The following ERC1 variants were observed in gnomAD, a reference collection of about 807,000 sequenced individuals.
ERC1 encodes RAB6 interacting protein 2.
In ERC1, 56 loss-of-function variants were observed where a neutral mutation model predicts 132.0. The observed-to-expected ratio is 0.42, with a 90% CI of 0.34 to 0.53. The LOEUF (loss-of-function observed/expected upper bound fraction) is 0.53. Ranked by LOEUF, ERC1 falls within the 20% of genes least tolerant of loss-of-function variation. ERC1 has a pLI of 0.03. For missense variants in ERC1, 1,202 were observed against 1,349.9 expected, an observed-to-expected ratio of 0.89 and a Z score of 1.72; for synonymous variants, 478 against 476.1, an observed-to-expected ratio of 1.00 and a Z score of -0.05.
intron 2 of ERC1, among the ~76,000 whole-genome samples, chr12:1,042,634 G>A (rs1307825643): frequency 5.9e-5 from 9 of 151,860 alleles, no homozygotes; most frequent in South Asian, 2.1e-4. Flanking sequence ...CACCGCACTC[G>A]GCCTAGTATT....
intron 8 of ERC1, among the ~76,000 whole-genome samples, chr12:1,144,050 A>G (rs531126583): frequency 6.6e-6 from 1 of 152,152 alleles, no homozygotes; most frequent in South Asian, 2.1e-4. Context: ...TTCAGTTTTA[A>G]TGTATGTGCC....
At chr12:1,294,442 T>C (rs2079754395) in intron 15 of ERC1, among the ~76,000 whole-genome samples, 1 of 152,278 alleles carries the variant, frequency 6.6e-6, no homozygotes, top group South Asian at 2.1e-4. Context: ...AGATAAAGGC[T>C]CCGAAAGTCC....
At chr12:1,461,389 C>A (rs1202619709) in intron 18 of ERC1, among the ~76,000 whole-genome samples, 2 of 152,124 alleles carry the variant, frequency 1.3e-5, no homozygotes, top group African/African-American at 4.8e-5. Flanking sequence ...AACTTTGAGC[C>A]GGGCACAGTG....
rs150875431 is a variant in ERC1 at position 1,027,448 on chromosome 12, G to A, written c.-156-300G>A. 636 of 159,254 alleles carry A rather than the reference G, an allele frequency of 4.0e-3. 3 individuals carry two copies. The highest frequency in any genetic ancestry group is 9.6e-3 in the Admixed American group (154 of 15,992). The allele number at this position is 159,254 out of a possible 1,614,324, so 9.9% of individuals were successfully genotyped here. A position where few individuals can be genotyped will look rare whatever the true frequency, so the allele number is the denominator to read the frequency against. On this transcript the variant is annotated intron_variant, in intron 1 of 18. Coordinates refer to ENST00000360905, the MANE Select transcript of ERC1 (RefSeq NM_178040.4). ...GTTGGTCTTGAACTCCTGGCCTCAA[G>A]CGATCTTCCTACCTTGGCCTCCCAG...
At chr12:1,058,070 A>G (rs749518930) in intron 2 of ERC1, among the ~76,000 whole-genome samples, 1 of 151,462 alleles carries the variant, frequency 6.6e-6, no homozygotes, top group East Asian at 1.9e-4. Context: ...AATTCATTTT[A>G]TATTCTGGAT....
chr12:1,175,839 T>C (rs781054519), intron 8 of ERC1, among the ~76,000 whole-genome samples: 3 of 152,170 alleles, frequency 2.0e-5, no homozygotes, highest in Non-Finnish European at 4.4e-5. Flanking sequence ...CTGGCCCATC[T>C]GTTCAGATTT....
intron 2 of ERC1, among the ~76,000 whole-genome samples, chr12:1,058,247 G>A (rs747517213): frequency 6.6e-6 from 1 of 152,024 alleles, no homozygotes; most frequent in Non-Finnish European, 1.5e-5. Context: ...ACCTTACCAA[G>A]AAAGTCTTTT....
At chr12:1,350,032 G>A (rs575238150) in intron 15 of ERC1, among the ~76,000 whole-genome samples, 3 of 152,172 alleles carry the variant, frequency 2.0e-5, no homozygotes, top group Non-Finnish European at 4.4e-5. Flanking sequence ...TCTTCTTTTG[G>A]CACCAAAAGG....
At chr12:1,012,471 CTTTT>C (rs58882619) in intron 1 of ERC1, among the ~76,000 whole-genome samples, 4 of 85,446 alleles carry the variant, frequency 4.7e-5, no homozygotes, top group African/African-American at 4.4e-5. Flanking sequence ...GATATTTAAT[CTTTT>C]TTTTTTTTTT....
At chr12:1,051,164 T>G (rs1215945044) in intron 2 of ERC1, among the ~76,000 whole-genome samples, 2 of 152,194 alleles carry the variant, frequency 1.3e-5, no homozygotes, top group Non-Finnish European at 2.9e-5. Flanking sequence ...CAGCTACTGT[T>G]GCACACTTGG....
chr12:1,238,632 A>G (rs1477587508), intron 13 of ERC1, among the ~76,000 whole-genome samples: 1 of 152,108 alleles, frequency 6.6e-6, no homozygotes, highest in Admixed American at 6.5e-5. Context: ...TTAATTCTAG[A>G]AAGTATTTAT....
chr12:1,399,688 A>C (rs908597267), intron 16 of ERC1, among the ~76,000 whole-genome samples: 16 of 152,198 alleles, frequency 1.1e-4, no homozygotes, highest in African/African-American at 3.9e-4. Context: ...TCATGTTTTC[A>C]AGGTTCATTG....
intron 2 of ERC1, among the ~76,000 whole-genome samples, chr12:1,081,120 A>G (rs1379831352): frequency 6.6e-6 from 1 of 152,180 alleles, no homozygotes; most frequent in Non-Finnish European, 1.5e-5. Flanking sequence ...TACACTGCTT[A>G]GGCCTTGAAT....
intron 5 of ERC1, 109 bp from the exon 6 acceptor site, chr12:1,112,106 T>G: frequency 1.4e-6 from 1 of 704,674 alleles, no homozygotes; most frequent in Non-Finnish European, 2.5e-6. Context: ...CAGATTTGAT[T>G]GTATTATATA....
At chr12:1,054,110 T>C (rs1939039058) in intron 2 of ERC1, among the ~76,000 whole-genome samples, 2 of 152,226 alleles carry the variant, frequency 1.3e-5, no homozygotes, top group East Asian at 1.9e-4. Context: ...GGATTTCCTA[T>C]ATTTGTGGAT....
chr12:1,257,407 C>G (rs985740058), intron 13 of ERC1, among the ~76,000 whole-genome samples: 1 of 152,188 alleles, frequency 6.6e-6, no homozygotes, highest in African/African-American at 2.4e-5. Flanking sequence ...TTCGAAGTAA[C>G]TCATTAATAC....
intron 8 of ERC1, among the ~76,000 whole-genome samples, chr12:1,163,248 TAGAA>T (rs980856880): frequency 1.4e-4 from 21 of 152,290 alleles, no homozygotes; most frequent in African/African-American, 4.6e-4. Context: ...ATTATTCTCT[TAGAA>T]AGGGAGGTTA....
chr12:1,242,989 C>T (rs1379053958), intron 13 of ERC1, among the ~76,000 whole-genome samples: 1 of 151,702 alleles, frequency 6.6e-6, no homozygotes, highest in Admixed American at 6.6e-5. Flanking sequence ...AGATCGAGAC[C>T]ATCCTGGCTA....
intron 1 of ERC1, among the ~76,000 whole-genome samples, chr12:1,002,160 CTTTTTTTTTTTTTTTTTT>C (rs71055117): frequency 5.2e-5 from 2 of 38,454 alleles, no homozygotes; most frequent in African/African-American, 2.2e-4. Context: ...CCATGCCCGG[CTTTTTTTTTTTTTTTTTT>C]TTTTTTTTTT....
Sources: gnomAD v4.1 joint callset for allele counts (sites outside exome capture counted in the v4.1 genomes callset) on GRCh38, gnomAD v4.1.1 for gene constraint, MANE v1.5 for transcripts, NCBI Gene and HGNC (gene_info 2026-07-23, HGNC 2026-07-21) for gene names.